Variants in PTCHD4 observed in about 807,000 individuals in gnomAD.
PTCHD4 encodes patched domain-containing protein 4.
Under a neutral mutation model 58.1 loss-of-function variants are expected in PTCHD4, and 33 were observed. The observed-to-expected ratio is 0.57, with a 90% CI of 0.43 to 0.76. PTCHD4 has a LOEUF of 0.76. PTCHD4 is among the 30% of genes least tolerant of loss of function. PTCHD4 has a pLI of 0.00. For missense variants in PTCHD4, 1,058 were observed against 1,027.1 expected (o/e 1.03, Z -0.41); for synonymous variants, 478 against 409.6 (o/e 1.17, Z -2.02).
intron 4 of PTCHD4, among the ~76,000 whole-genome samples, chr6:47,965,497 T>A (rs956922739): frequency 6.6e-6 from 1 of 152,198 alleles, no homozygotes; most frequent in African/African-American, 2.4e-5. Context: ...AGGAGTTTAA[T>A]GATTTTAACT....
intron 4 of PTCHD4, among the ~76,000 whole-genome samples, chr6:47,964,591 T>C (rs1375299304): frequency 6.6e-6 from 1 of 152,220 alleles, no homozygotes; most frequent in African/African-American, 2.4e-5. Context: ...TATTTTATTT[T>C]TTCCTTTTAG....
chr6:48,032,635 A>G (rs558056577), intron 3 of PTCHD4, among the ~76,000 whole-genome samples: 5 of 152,300 alleles, frequency 3.3e-5, no homozygotes, highest in South Asian at 4.1e-4. Context: ...GGTTATAATA[A>G]AATGGACATG....
At chr6:48,031,182 C>G (rs969387362) in intron 3 of PTCHD4, among the ~76,000 whole-genome samples, 7 of 152,086 alleles carry the variant, frequency 4.6e-5, no homozygotes, top group Admixed American at 6.6e-5. Flanking sequence ...TAGTCTAATT[C>G]TAATCACATC....
chr6:48,070,123 TTGTGTG>T (rs66484270), intron 1 of PTCHD4, among the ~76,000 whole-genome samples, 197 bp from the exon 2 acceptor site: 1,635 of 146,682 alleles, frequency 0.011, 18 homozygotes, highest in African/African-American at 0.032. Flanking sequence ...AAGTGTGTGT[TTGTGTG>T]TGTGTGTGTG....
At chr6:48,032,666 T>G (rs1171251545) in intron 3 of PTCHD4, among the ~76,000 whole-genome samples, 1 of 152,142 alleles carries the variant, frequency 6.6e-6, no homozygotes, top group Non-Finnish European at 1.5e-5. Context: ...GTTCAATAAG[T>G]CCATTAAAGC....
At chr6:47,937,221 C>T (rs1581904352) in intron 4 of PTCHD4, among the ~76,000 whole-genome samples, 1 of 152,092 alleles carries the variant, frequency 6.6e-6, no homozygotes, top group South Asian at 2.1e-4. Flanking sequence ...TGACTGGCTG[C>T]TTTTCAATAA....
intron 1 of PTCHD4, among the ~76,000 whole-genome samples, chr6:48,077,627 A>C (rs968512146): frequency 2.0e-5 from 3 of 152,200 alleles, no homozygotes; most frequent in African/African-American, 7.2e-5. Flanking sequence ...AAGCTTAATC[A>C]TTTCTAGCTT....
intron 3 of PTCHD4, among the ~76,000 whole-genome samples, chr6:48,039,022 A>G (rs1763747267): frequency 6.6e-6 from 1 of 152,200 alleles, no homozygotes; most frequent in Non-Finnish European, 1.5e-5. Context: ...CAGAGACTCC[A>G]TGATTCTGAG....
In PTCHD4 at chr6:47,956,913, T is replaced by C. The variant is rs149299317; in HGVS notation, c.898+51721A>G. 3.7e-3 allele frequency among the ~76,000 whole-genome samples: 564 copies of C among 152,080 alleles called. 33 individuals carry two copies. In the East Asian group the frequency reaches 0.097, roughly 26 times the overall value. On this transcript the variant is annotated intron_variant, in intron 4 of 4. Coordinates refer to ENST00000339488, the MANE Select transcript of PTCHD4 (RefSeq NM_001384253.1). ...GCGTGGTGATTCATGCCTGTAATCCTAGCACTTTGGGAGGCCGAGGAGGGC... is the reference window on the plus strand; with the variant it reads ...GCGTGGTGATTCATGCCTGTAATCCCAGCACTTTGGGAGGCCGAGGAGGGC...
intron 1 of PTCHD4, among the ~76,000 whole-genome samples, chr6:48,070,173 T>A (rs1037887949): frequency 6.6e-6 from 1 of 151,722 alleles, no homozygotes; most frequent in African/African-American, 2.4e-5. Flanking sequence ...ATATATGAAT[T>A]TTTTAGGGCA....
chr6:48,034,024 A>G (rs1050943426), intron 3 of PTCHD4, among the ~76,000 whole-genome samples: 2 of 152,146 alleles, frequency 1.3e-5, no homozygotes, highest in African/African-American at 4.8e-5. Flanking sequence ...TACCTTGGAA[A>G]GCACCTTCAG....
chr6:47,901,882 T>C, intron 4 of PTCHD4: 2 of 1,303,626 alleles, frequency 1.5e-6, no homozygotes, highest in African/African-American at 3.0e-5. Context: ...TTCTCTCCTT[T>C]CTTTCTTCCA....
At chr6:48,079,549 G>A (rs1267659824) in intron 1 of PTCHD4, among the ~76,000 whole-genome samples, 9 of 151,532 alleles carry the variant, frequency 5.9e-5, no homozygotes. Context: ...CCCTGGCCAA[G>A]TAGGGCAGAG....
intron 3 of PTCHD4, among the ~76,000 whole-genome samples, chr6:48,020,686 T>C (rs1328116217): frequency 6.6e-6 from 1 of 152,028 alleles, no homozygotes; most frequent in East Asian, 1.9e-4. Flanking sequence ...ATAAATAAAA[T>C]GCTAAGAGAA....
intron 3 of PTCHD4, among the ~76,000 whole-genome samples, chr6:48,063,701 T>C (rs1764706111): frequency 6.6e-6 from 1 of 152,182 alleles, no homozygotes; most frequent in East Asian, 1.9e-4. Context: ...CCTAGCACCA[T>C]GTAGGATACA....
Position 47,872,862 on chromosome 6 carries a change from T to A in PTCHD4, c.*5441A>T, listed in dbSNP as rs569448036. Among the ~76,000 whole-genome samples, 1 of 151,660 alleles carries A rather than the reference T, an allele frequency of 6.6e-6. No homozygotes were observed. Among genetic ancestry groups the A allele is most frequent in the Non-Finnish European group, 1.5e-5 (1 of 67,752 alleles). On this transcript the variant is annotated 3_prime_UTR_variant, in exon 5 of 5. Coordinates refer to ENST00000339488, the MANE Select transcript of PTCHD4 (RefSeq NM_001384253.1). ...ATATATTCTTAACCCTATATATTGCTCTTTTGAGTTGTTTTCCGTTTTATA... is the reference window on the plus strand; with the variant it reads ...ATATATTCTTAACCCTATATATTGCACTTTTGAGTTGTTTTCCGTTTTATA...
chr6:47,926,378 C>T (rs913751075), intron 4 of PTCHD4, among the ~76,000 whole-genome samples: 6 of 152,136 alleles, frequency 3.9e-5, no homozygotes, highest in Admixed American at 2.6e-4. Flanking sequence ...TATAACATGT[C>T]TGATTTTCTG....
At chr6:47,912,587 T>G (rs1175514850) in intron 4 of PTCHD4, among the ~76,000 whole-genome samples, 1 of 152,160 alleles carries the variant, frequency 6.6e-6, no homozygotes. Flanking sequence ...TTACCTTCCT[T>G]CATACCTTCT....
At chr6:48,098,370 G>A (rs563538026) in intron 1 of PTCHD4, among the ~76,000 whole-genome samples, 27 of 110,332 alleles carry the variant, frequency 2.4e-4, no homozygotes, top group African/African-American at 8.4e-4. Flanking sequence ...AGAGAGTCTC[G>A]CTCTGTTGCC....
Sources: allele counts gnomAD v4.1 joint callset (sites outside exome capture counted in the v4.1 genomes callset), GRCh38; gene constraint gnomAD v4.1.1; transcripts MANE v1.5; gene names NCBI Gene and HGNC (gene_info 2026-07-23, HGNC 2026-07-21).